UNC5D: variants seen among roughly 807,000 people sequenced by gnomAD.
UNC5D encodes the protein unc-5 netrin receptor D, also known as netrin receptor UNC5D.
UNC5D carries 39 observed loss-of-function variants against 105.4 expected under a neutral mutation model. The ratio of observed to expected loss-of-function variants is 0.37; its 90% CI spans 0.29 to 0.48. The LOEUF (loss-of-function observed/expected upper bound fraction) is 0.48. Among genes scored for constraint, UNC5D ranks in the 20% least tolerant of loss-of-function variants. UNC5D has a pLI of 0.98. For synonymous variants in UNC5D, 452 were observed against 450.4 expected (o/e 1.00, Z -0.04); for missense variants, 991 against 1,202.4 (o/e 0.82, Z 2.60).
intron 9 of UNC5D, chr8:35,724,294 T>A: frequency 1.3e-6 from 2 of 1,534,854 alleles, no homozygotes; most frequent in Non-Finnish European, 1.7e-6. Context: ...AATCCTTTGG[T>A]AAATGCCACT....
chr8:35,285,557 A>G (rs1320190185), intron 1 of UNC5D, among the ~76,000 whole-genome samples: 2 of 152,242 alleles, frequency 1.3e-5, no homozygotes, highest in South Asian at 2.1e-4. Context: ...CATGTGAGAT[A>G]AAGGGTAAAA....
At chr8:35,582,939 A>G (rs1818551275) in intron 3 of UNC5D, among the ~76,000 whole-genome samples, 1 of 152,186 alleles carries the variant, frequency 6.6e-6, no homozygotes, top group African/African-American at 2.4e-5. Context: ...CCCTTCAACC[A>G]TGGGGTTCAT....
chr8:35,555,348 G>T (rs971637015), intron 2 of UNC5D, among the ~76,000 whole-genome samples: 2 of 152,126 alleles, frequency 1.3e-5, no homozygotes, highest in Non-Finnish European at 2.9e-5. Context: ...AGCCAATTTA[G>T]CTTTTCCTAC....
intron 1 of UNC5D, among the ~76,000 whole-genome samples, chr8:35,393,937 C>T (rs936048877): frequency 1.3e-5 from 2 of 151,784 alleles, no homozygotes; most frequent in Admixed American, 6.6e-5. Flanking sequence ...ACTTTTTTTG[C>T]TTTCATCTTC....
intron 1 of UNC5D, among the ~76,000 whole-genome samples, chr8:35,401,881 C>T (rs1173188577): frequency 6.6e-6 from 1 of 152,222 alleles, no homozygotes; most frequent in African/African-American, 2.4e-5. Context: ...TGTGAAAATA[C>T]TGCCATCTTT....
In UNC5D at chr8:35,438,754, G is replaced by A. The variant is rs543066591; in HGVS notation, c.104-110538G>A. Among the ~76,000 whole-genome samples, 17 of 152,134 alleles carry A rather than the reference G, an allele frequency of 1.1e-4. No homozygotes were observed. In the East Asian group the frequency reaches 2.9e-3, roughly 26 times the overall value. ...AGGTTGGAGTTAGGTGAAAACTCTA[G>A]TGAATGATCAAGAACGTGTAAAGCA... On this transcript the variant is annotated intron_variant, in intron 1 of 16. Transcript: ENST00000404895.
chr8:35,595,395 A>G (rs776342621), intron 3 of UNC5D, among the ~76,000 whole-genome samples, 159 bp from the exon 4 acceptor site: 1 of 152,204 alleles, frequency 6.6e-6, no homozygotes, highest in Non-Finnish European at 1.5e-5. Flanking sequence ...AATATTTGGA[A>G]AAACGATTCT....
At chr8:35,525,817 A>G in intron 1 of UNC5D, 1 of 1,442,202 alleles carries the variant, frequency 6.9e-7, no homozygotes, top group Non-Finnish European at 9.2e-7. Context: ...TTAATTATAC[A>G]GAAAAGCAAT....
chr8:35,655,213 C>G (rs116013191), intron 4 of UNC5D, among the ~76,000 whole-genome samples: 47 of 152,290 alleles, frequency 3.1e-4, no homozygotes, highest in African/African-American at 1.1e-3. Context: ...ATCATTCTCT[C>G]TGTAATTAAG....
At chr8:35,236,008 G>GC in intron 1 of UNC5D, 121 bp downstream of exon 1, 1 of 906,892 alleles carries the variant, frequency 1.1e-6, no homozygotes. Flanking sequence ...GGCGCTCCAA[G>GC]CCCAACCGGA....
intron 10 of UNC5D, among the ~76,000 whole-genome samples, chr8:35,730,199 C>T (rs1423331216): frequency 2.0e-5 from 3 of 152,186 alleles, no homozygotes. Flanking sequence ...TCCCTGCCCT[C>T]CTTAGACTCT....
At position 35,793,905 on chromosome 8, in the gene UNC5D, G is replaced by A. The variant is rs1803154332; in HGVS notation, c.*3342G>A. On this transcript the variant is annotated 3_prime_UTR_variant, in exon 17 of 17. Coordinates refer to ENST00000404895, the MANE Select transcript of UNC5D (RefSeq NM_080872.4). ...TCTCCAACTGCAGGTGGTGTCTTTT[G>A]CCAAGGTCTCTGTATTTTTCTTTCA... 1 of 152,028 alleles carries A rather than the reference G, an allele frequency of 6.6e-6. No individual in the cohort carries two copies. Among genetic ancestry groups the A allele is most frequent in the Non-Finnish European group, 1.5e-5 (1 of 67,984 alleles). The allele number at this position is 152,028 out of a possible 1,614,324, so 9.4% of individuals were successfully genotyped here.
intron 1 of UNC5D, among the ~76,000 whole-genome samples, chr8:35,339,820 A>G (rs949570437): frequency 6.6e-6 from 1 of 152,198 alleles, no homozygotes; most frequent in Non-Finnish European, 1.5e-5. Context: ...ATCTTGAGTC[A>G]GTATAATTTT....
Position 35,606,417 on chromosome 8 carries a change from A to G in UNC5D, c.570+10760A>G, listed in dbSNP as rs545720790. Among the ~76,000 whole-genome samples the G allele has an allele frequency of 3.9e-5, 6 of 152,302 alleles. No homozygotes were observed. The East Asian group carries it at 9.6e-4, about 24-fold the overall frequency. On this transcript the variant is annotated intron_variant, in intron 4 of 16. Coordinates refer to ENST00000404895, the MANE Select transcript of UNC5D (RefSeq NM_080872.4). Reference sequence around the variant, plus strand: ...TAAGGTTCACTCTGTGCTGTTGTCTATGGCTTTCTTTAAATTTCATTTCAA... The same window carrying G: ...TAAGGTTCACTCTGTGCTGTTGTCTGTGGCTTTCTTTAAATTTCATTTCAA...
chr8:35,614,686 A>G (rs991226349), intron 4 of UNC5D, among the ~76,000 whole-genome samples: 2 of 152,128 alleles, frequency 1.3e-5, no homozygotes, highest in East Asian at 1.9e-4. Flanking sequence ...TGAGGTTAAT[A>G]TAAGTTATTT....
intron 1 of UNC5D, among the ~76,000 whole-genome samples, chr8:35,367,868 A>G (rs1325882209): frequency 2.0e-5 from 3 of 152,176 alleles, no homozygotes; most frequent in African/African-American, 7.2e-5. Flanking sequence ...GGTTGGCCAC[A>G]CATAAATCAT....
At chr8:35,731,884 G>A (rs901686063) in intron 11 of UNC5D, among the ~76,000 whole-genome samples, 12 of 152,110 alleles carry the variant, frequency 7.9e-5, no homozygotes, top group African/African-American at 2.9e-4. Flanking sequence ...CTGCTTTCAG[G>A]CCTGACAAAT....
chr8:35,451,038 A>T (rs1808113227), intron 1 of UNC5D, among the ~76,000 whole-genome samples: 3 of 112,900 alleles, frequency 2.7e-5, no homozygotes. Context: ...CTATAATAAT[A>T]ATCTTTTTTT....
At chr8:35,666,458 T>A (rs1451495115) in intron 4 of UNC5D, among the ~76,000 whole-genome samples, 2 of 144,086 alleles carry the variant, frequency 1.4e-5, no homozygotes, top group Non-Finnish European at 1.5e-5. Flanking sequence ...TCAGCAAGTT[T>A]AAAAAAAAAA....
Sources: gnomAD v4.1 joint callset for allele counts (sites outside exome capture counted in the v4.1 genomes callset) on GRCh38, gnomAD v4.1.1 for gene constraint, MANE v1.5 for transcripts, NCBI Gene and HGNC (gene_info 2026-07-23, HGNC 2026-07-21) for gene names.